The following PREX1 variants were observed in gnomAD, a reference collection of about 807,000 sequenced individuals.
PREX1 encodes the protein phosphatidylinositol 3,4,5-trisphosphate-dependent Rac exchanger 1 protein.
In PREX1, 41 loss-of-function variants were observed where a neutral mutation model predicts 198.3. The ratio of observed to expected loss-of-function variants is 0.21; its 90% confidence interval spans 0.16 to 0.27. PREX1 has a LOEUF of 0.27. Ranked by LOEUF, PREX1 falls within the 10% of genes least tolerant of loss-of-function variation. The probability of loss-of-function intolerance (pLI) is 1.00; values close to 1 mark genes in which losing one functional copy is unlikely to be tolerated. For missense variants in PREX1, 1,620 were observed against 2,200.7 expected, an observed-to-expected ratio of 0.74 and a Z score of 5.28; for synonymous variants, 843 against 887.2, an observed-to-expected ratio of 0.95 and a Z score of 0.89.
intron 1 of PREX1, among the ~76,000 whole-genome samples, chr20:48,770,212 A>G (rs2090229044): frequency 6.6e-6 from 1 of 152,226 alleles, no homozygotes; most frequent in South Asian, 2.1e-4. Context: ...TTTTCAAAAC[A>G]CATGTTTTGC....
intron 25 of PREX1, among the ~76,000 whole-genome samples, chr20:48,648,810 A>T (rs2089469979): frequency 6.6e-6 from 1 of 152,174 alleles, no homozygotes; most frequent in African/African-American, 2.4e-5. Flanking sequence ...CCCACATCCT[A>T]GAGCTGAGTA....
At chr20:48,711,731 T>C (rs1022020738) in intron 5 of PREX1, among the ~76,000 whole-genome samples, 2 of 152,244 alleles carry the variant, frequency 1.3e-5, no homozygotes, top group Non-Finnish European at 2.9e-5. Flanking sequence ...AAAAGTTTGC[T>C]GGCCCTTTGT....
intron 5 of PREX1, among the ~76,000 whole-genome samples, chr20:48,720,213 C>T (rs2089979115): frequency 6.6e-6 from 1 of 152,228 alleles, no homozygotes; most frequent in Non-Finnish European, 1.5e-5. Context: ...TCTAAACCTG[C>T]AACCCCCTGA....
chr20:48,735,206 A>C (rs2090051566), intron 3 of PREX1, among the ~76,000 whole-genome samples: 1 of 152,208 alleles, frequency 6.6e-6, no homozygotes. Flanking sequence ...TCAACTGAGC[A>C]TTCTTGGTTC....
At chr20:48,682,961 G>C (rs2089761672) in intron 10 of PREX1, among the ~76,000 whole-genome samples, 1 of 152,244 alleles carries the variant, frequency 6.6e-6, no homozygotes, top group Admixed American at 6.5e-5. Context: ...AGACCTGCCT[G>C]GTGTGTAGGT....
intron 5 of PREX1, among the ~76,000 whole-genome samples, chr20:48,713,527 C>T (rs1024400279): frequency 3.9e-5 from 6 of 151,968 alleles, no homozygotes; most frequent in African/African-American, 1.4e-4. Flanking sequence ...CGGTGGCCAG[C>T]AGTTCAAGAC....
intron 25 of PREX1, among the ~76,000 whole-genome samples, chr20:48,649,014 C>A (rs1430528512): frequency 6.6e-6 from 1 of 152,188 alleles, no homozygotes; most frequent in Non-Finnish European, 1.5e-5. Context: ...CTGATGAGCG[C>A]TGCTATATCC....
rs532069467 is a variant in PREX1 at position 48,764,628 on chromosome 20, A to T, written c.220-16748T>A. On this transcript the variant is annotated intron_variant, in intron 1 of 39. Transcript: ENST00000371941. ...CAAAACCCAATCTCTAGTAAAAATT[A>T]AAAAATTAGCCAGATGTGGTGGTGC... 5.6e-4 allele frequency among the ~76,000 whole-genome samples: 85 copies of T among 152,084 alleles called. 1 individual carries two copies. The South Asian group carries it at 0.014, about 26-fold the overall frequency.
rs749066788 is a variant in PREX1, at chr20:48,827,642, C to T, written c.219G>A (p.Ser73=). Residue 73 remains serine (S), a splice_region_variant and synonymous_variant, in exon 1 of 40, where the codon TCG becomes TCA. Transcript: ENST00000371941. The surrounding 1 kb of genome is among the most constrained non-coding windows in gnomAD (Gnocchi z 4.1). ...DYVGTLRFLQ[S]AFLHRIRQNV... ...CCCCAAGCTCCCGAGCGACACTCACCGACTGCAAGAAGCGCAAGGTGCCCA... is the reference window on the plus strand; with the variant it reads ...CCCCAAGCTCCCGAGCGACACTCACTGACTGCAAGAAGCGCAAGGTGCCCA... 3.8e-6 allele frequency: 5 copies of T among 1,307,054 alleles called. No homozygotes were observed. Among genetic ancestry groups the T allele is most frequent in the Non-Finnish European group, 4.9e-6 (5 of 1,015,894 alleles). 81.0% of individuals were successfully genotyped at this position (1,307,054 alleles called of 1,614,324 possible).
At chr20:48,882,755 G>A in the PREX1 span, among the ~76,000 whole-genome samples, 93 of 151,898 alleles carry the variant, frequency 6.1e-4, no homozygotes, top group East Asian at 0.018. Flanking sequence ...GTTATTATCT[G>A]TCTTTTATTT....
At chr20:48,878,215 C>A in the PREX1 span, among the ~76,000 whole-genome samples, 1 of 152,220 alleles carries the variant, frequency 6.6e-6, no homozygotes, top group Admixed American at 6.5e-5. Flanking sequence ...CCCCTTCGTT[C>A]ACTCTGCTCC....
At chr20:48,884,665 T>C in the PREX1 span, among the ~76,000 whole-genome samples, 3 of 152,216 alleles carry the variant, frequency 2.0e-5, no homozygotes, top group Non-Finnish European at 4.4e-5. Flanking sequence ...AATAGATACA[T>C]TGGACTTCAT....
In PREX1 at chr20:48,652,750, T is replaced by C. The variant is rs771000515; in HGVS notation, c.2347-44A>G. 2.5e-6 allele frequency: 4 copies of C among 1,585,222 alleles called. No individual in the cohort carries two copies. In the Admixed American group the frequency reaches 6.9e-5, roughly 27 times the overall value. On this transcript the variant is annotated intron_variant, in intron 20 of 39. Transcript: ENST00000371941. ...AGGGGACAGCCATGGTGCCGGCAGGTAGGGAGGAGGGGACAGGGCCGAGGT... is the reference window on the plus strand; with the variant it reads ...AGGGGACAGCCATGGTGCCGGCAGGCAGGGAGGAGGGGACAGGGCCGAGGT...
At chr20:48,723,830 G>C (rs1050024850) in intron 5 of PREX1, among the ~76,000 whole-genome samples, 1 of 152,118 alleles carries the variant, frequency 6.6e-6, no homozygotes, top group Non-Finnish European at 1.5e-5. Context: ...GCCTCACATC[G>C]AGCCTAGAGT....
At chr20:48,694,221 G>A (rs2089834216) in intron 7 of PREX1, among the ~76,000 whole-genome samples, 2 of 152,142 alleles carry the variant, frequency 1.3e-5, no homozygotes, top group East Asian at 1.9e-4. Flanking sequence ...CCGAATTTCT[G>A]TTGTTTAAAA....
At chr20:48,716,645 C>A (rs552154625) in intron 5 of PREX1, among the ~76,000 whole-genome samples, 1 of 152,318 alleles carries the variant, frequency 6.6e-6, no homozygotes, top group African/African-American at 2.4e-5. Context: ...GCCATGGAGT[C>A]CAGGAGAGGT....
chr20:48,655,621 C>T (rs1368745578), intron 18 of PREX1, among the ~76,000 whole-genome samples: 1 of 152,220 alleles, frequency 6.6e-6, no homozygotes, highest in African/African-American at 2.4e-5. Context: ...AGCTTCTGTC[C>T]TCGAACAGAA....
chr20:48,646,997 T>C (rs1297517818), intron 25 of PREX1, among the ~76,000 whole-genome samples: 1 of 152,218 alleles, frequency 6.6e-6, no homozygotes, highest in Non-Finnish European at 1.5e-5. Flanking sequence ...TCCCAACACT[T>C]TGGGAGGCTG....
chr20:48,844,118 C>T, the PREX1 span, among the ~76,000 whole-genome samples: 1 of 151,112 alleles, frequency 6.6e-6, no homozygotes, highest in Non-Finnish European at 1.5e-5. Flanking sequence ...CCAGCCTGGG[C>T]AACACAGCAA....
Sources: allele counts gnomAD v4.1 joint callset (sites outside exome capture counted in the v4.1 genomes callset), GRCh38; gene constraint gnomAD v4.1.1; non-coding constraint Gnocchi (gnomAD v3.1); transcripts MANE v1.5; gene names NCBI Gene and HGNC (gene_info 2026-07-23, HGNC 2026-07-21).